The following PES1 variants were observed in gnomAD, a reference collection of about 807,000 sequenced individuals.
PES1 encodes the protein pescadillo homolog.
In PES1, 31 loss-of-function variants were observed where a neutral mutation model predicts 77.1. The ratio of observed to expected loss-of-function variants is 0.40; its 90% CI spans 0.30 to 0.54. The LOEUF is 0.54. PES1 is among the 20% of genes least tolerant of loss of function. The probability of loss-of-function intolerance (pLI) is 0.45; values close to 1 mark genes in which losing one functional copy is unlikely to be tolerated. For synonymous variants in PES1, 282 were observed against 303.0 expected (o/e 0.93, Z 0.72); for missense variants, 658 against 771.7 (o/e 0.85, Z 1.75).
At chr22:30,581,965 T>C (rs1215336965) in intron 6 of PES1, among the ~76,000 whole-genome samples, 1 of 152,216 alleles carries the variant, frequency 6.6e-6, no homozygotes, top group Admixed American at 6.5e-5. Context: ...GAAGACTGGC[T>C]GGCCCTCCCC....
At chr22:30,600,199 T>C (rs2087333719) in intron 2 of PES1, among the ~76,000 whole-genome samples, 1 of 152,098 alleles carries the variant, frequency 6.6e-6, no homozygotes, top group Admixed American at 6.6e-5. Flanking sequence ...CCAGGTGTGG[T>C]GGCACAAGCC....
intron 14 of PES1, among the ~76,000 whole-genome samples, chr22:30,577,488 C>T (rs1032334735): frequency 2.0e-5 from 3 of 152,166 alleles, no homozygotes; most frequent in African/African-American, 7.2e-5. Context: ...TTTCCGGGGT[C>T]ATCTGACAAT....
chr22:30,600,532 T>A (rs2087338964), intron 2 of PES1, among the ~76,000 whole-genome samples: 1 of 148,052 alleles, frequency 6.8e-6, no homozygotes, highest in South Asian at 2.2e-4. Context: ...AATATAAAAA[T>A]AAGGCCAGGT....
At chr22:30,596,511 A>AG (rs1447062970), upstream of PES1, among the ~76,000 whole-genome samples, 1 of 151,490 alleles carries the variant, frequency 6.6e-6, no homozygotes, top group African/African-American at 2.4e-5. Flanking sequence ...AAAAAAAAAA[A>AG]AGATTTTAAA....
chr22:30,585,384 G>C (rs1157388140), intron 4 of PES1: 2 of 470,300 alleles, frequency 4.3e-6, no homozygotes, highest in Admixed American at 4.7e-5. Context: ...TTGAGGGACA[G>C]AGGCATGGGT....
Position 30,577,094 on chromosome 22 carries a change from A to G in PES1, c.1719T>C (p.Asp573=). 1 of 1,614,074 alleles carries G rather than the reference A, an allele frequency of 6.2e-7. No individual in the cohort carries two copies. The highest frequency in any genetic ancestry group is 8.5e-7 in the Non-Finnish European group (1 of 1,180,014). Residue 573 remains aspartate (D), a synonymous_variant, in exon 15 of 15, where the codon GAT becomes GAC. Transcript: ENST00000354694. ...CCTTCTTCTCAGACCTCACCGCCTC[A>G]TCGTGGGCTTTCCGCTTCTCCGCCA... The part of the protein sequence containing the change: ...NKLAEKRKAH[D]EAVRSEKKAK...
intron 4 of PES1, chr22:30,585,483 C>T: frequency 6.3e-6 from 2 of 318,552 alleles, no homozygotes; most frequent in Non-Finnish European, 1.3e-5. Flanking sequence ...TACAACTGGG[C>T]TCTTGCAGCT....
Position 30,579,181 on chromosome 22 carries a change from CTT to C in PES1, c.1475_1476del (p.Glu492GlyfsTer29), listed in dbSNP as rs774803677. On this transcript the variant is annotated frameshift_variant, in exon 13 of 15. Transcript: ENST00000354694. LOFTEE classifies it high-confidence loss of function. ...EDAEAGSEKE[E>X]EARLAALEEQ... ...TCTTCCAGGGCTGCCAGCCGGGCCT[CTT>C]CCTCCTTTTCTGAACCAGCCTCTGC... 1.2e-6 allele frequency: 2 copies of C among 1,608,640 alleles called. No individual in the cohort carries two copies. Among genetic ancestry groups the C allele is most frequent in the Non-Finnish European group, 1.7e-6 (2 of 1,179,572 alleles).
chr22:30,585,278 C>T (rs1264764465), intron 4 of PES1: 1 of 471,322 alleles, frequency 2.1e-6, no homozygotes, highest in African/African-American at 2.0e-5. Flanking sequence ...GAATTGGGTC[C>T]AGGAAGAGCC....
Position 30,584,709 on chromosome 22 carries a change from G to A in PES1, c.377C>T (p.Thr126Met), listed in dbSNP as rs1666204611. 6.2e-6 allele frequency: 10 copies of A among 1,613,606 alleles called. No homozygotes were observed. The highest frequency in any genetic ancestry group is 1.3e-5 in the African/African-American group (1 of 75,052). The part of the protein sequence containing the change: ...LDHIIKERYP[T>M]FIDALRDLDD... The stretch of plus-strand genomic sequence containing the variant: ...CAGGTCCCGCAGGGCATCGATGAAC[G>A]TGGGATACCTGCATGGCCAGTGAGG... The change falls in exon 5 of 15, where the codon ACG becomes ATG. Residue 126 changes from threonine to methionine, a missense_variant. By Grantham distance (81) the Thr-to-Met change is moderately conservative. Transcript: ENST00000354694.
intron 6 of PES1, 151 bp from the exon 7 acceptor site, chr22:30,581,795 G>A (rs2086992543): frequency 3.1e-6 from 2 of 640,186 alleles, no homozygotes; most frequent in Admixed American, 2.4e-5. Flanking sequence ...CCCTAGGGAA[G>A]GGGTGGCATG....
chr22:30,596,497 TA>T (rs781592593), upstream of PES1, among the ~76,000 whole-genome samples: 1,461 of 131,616 alleles, frequency 0.011, 10 homozygotes, highest in African/African-American at 0.025. Context: ...ATTTAAAACT[TA>T]AAAAAAAAAA....
chr22:30,594,519 G>GA (rs970622529), upstream of PES1, among the ~76,000 whole-genome samples: 65 of 148,854 alleles, frequency 4.4e-4, 1 homozygote, highest in Admixed American at 1.7e-3. Context: ...CTCTGTTTCA[G>GA]AAAAAAAAAA....
At chr22:30,599,586 A>G (rs139976492) in intron 2 of PES1, among the ~76,000 whole-genome samples, 2 of 152,332 alleles carry the variant, frequency 1.3e-5, no homozygotes, top group Non-Finnish European at 2.9e-5. Flanking sequence ...CTCAGTTCTC[A>G]TAACTAGTCT....
intron 2 of PES1, among the ~76,000 whole-genome samples, chr22:30,598,156 G>A (rs1041496094): frequency 3.9e-5 from 6 of 152,122 alleles, no homozygotes; most frequent in African/African-American, 1.2e-4. Flanking sequence ...TCTTACTGCT[G>A]CTCACTTTTT....
chr22:30,598,494 T>C (rs1166511281), intron 2 of PES1: 2 of 152,144 alleles, frequency 1.3e-5, no homozygotes, highest in Non-Finnish European at 2.9e-5. Context: ...GTGGTAACAA[T>C]CTCCGGTCGC....
At chr22:30,580,894 G>C in intron 9 of PES1, 118 bp downstream of exon 9, 3 of 1,173,560 alleles carry the variant, frequency 2.6e-6, no homozygotes, top group Non-Finnish European at 3.7e-6. Context: ...CCATTCTTCT[G>C]CTCAGTTGCT....
intron 2 of PES1, among the ~76,000 whole-genome samples, chr22:30,597,927 A>G (rs2087286991): frequency 7.9e-6 from 1 of 127,252 alleles, no homozygotes; most frequent in South Asian, 2.5e-4. Context: ...TCTGTCGCCC[A>G]GGCTGGAGTG....
rs992721998 is a variant in PES1 at position 30,603,602 on chromosome 22, G to A, written c.-661+1859C>T. Among the ~76,000 whole-genome samples the A allele has an allele frequency of 2.4e-4, 37 of 151,738 alleles. 1 individual carries two copies. The highest frequency in any genetic ancestry group is 3.2e-4 in the Non-Finnish European group (22 of 67,926). The stretch of plus-strand genomic sequence containing the variant: ...TCACCCTGTTGGTCAGGCTGGTCTC[G>A]AACTCCTGACCTCAGGTGATCCACC... On this transcript the variant is annotated intron_variant, in intron 2 of 16. Coordinates refer to the PES1 transcript ENST00000402281.
Sources: gnomAD v4.1 joint callset for allele counts (sites outside exome capture counted in the v4.1 genomes callset) on GRCh38, gnomAD v4.1.1 for gene constraint, MANE v1.5 for transcripts, NCBI Gene and HGNC (gene_info 2026-07-23, HGNC 2026-07-21) for gene names.